Variants in OPCML observed in about 807,000 individuals in gnomAD.
The protein encoded by OPCML is opioid-binding protein/cell adhesion molecule.
In OPCML, 13 loss-of-function variants were observed where a neutral mutation model predicts 37.8. The observed-to-expected ratio is 0.34, with a 90% CI of 0.22 to 0.55. OPCML has a LOEUF of 0.55. Ranked by LOEUF, OPCML falls within the 20% of genes least tolerant of loss-of-function variation. OPCML has a pLI of 0.91. For missense variants in OPCML, 341 were observed against 435.6 expected (o/e 0.78, Z 1.93); for synonymous variants, 176 against 168.8 (o/e 1.04, Z -0.33).
intron 1 of OPCML, among the ~76,000 whole-genome samples, chr11:132,996,506 G>A (rs1946889039): frequency 6.6e-6 from 1 of 150,652 alleles, no homozygotes; most frequent in South Asian, 2.1e-4. Flanking sequence ...CAGCTACTCG[G>A]AAGCCTGAGA....
At chr11:132,562,686 A>T (rs2096413154) in intron 3 of OPCML, among the ~76,000 whole-genome samples, 1 of 152,066 alleles carries the variant, frequency 6.6e-6, no homozygotes, top group Non-Finnish European at 1.5e-5. Context: ...ACCATGACCT[A>T]CACAGCAGGA....
chr11:132,755,517 C>A (rs557906565), intron 2 of OPCML, among the ~76,000 whole-genome samples: 1 of 152,236 alleles, frequency 6.6e-6, no homozygotes, highest in East Asian at 1.9e-4. Context: ...TAAAAGATGT[C>A]TTTAAAAGAG....
At position 132,921,858 on chromosome 11, in the gene OPCML, C is replaced by G. The variant is rs572450559; in HGVS notation, c.146+21068G>C. Among the ~76,000 whole-genome samples the G allele has an allele frequency of 1.4e-3, 219 of 152,130 alleles. 1 individual carries two copies. Among genetic ancestry groups the G allele is most frequent in the African/African-American group, 4.9e-3 (204 of 41,496 alleles). Reference sequence around the variant, plus strand: ...CCTCGCTCTAGCACCTTATTGAGGCCCTCCATTGAGTGAGACTATAAATTT... The same window carrying G: ...CCTCGCTCTAGCACCTTATTGAGGCGCTCCATTGAGTGAGACTATAAATTT... On this transcript the variant is annotated intron_variant, in intron 2 of 7. Transcript: ENST00000524381.
intron 2 of OPCML, among the ~76,000 whole-genome samples, chr11:132,907,570 G>T (rs188926360): frequency 6.6e-6 from 1 of 151,346 alleles, no homozygotes; most frequent in Non-Finnish European, 1.5e-5. Flanking sequence ...GATGGAGGTC[G>T]CAGTGAGCCG....
chr11:133,229,729 G>C (rs1267568224), intron 1 of OPCML, among the ~76,000 whole-genome samples: 2 of 152,096 alleles, frequency 1.3e-5, no homozygotes, highest in Non-Finnish European at 2.9e-5. Flanking sequence ...CCTCTGGGGG[G>C]CTTGGAGTAT....
chr11:132,583,913 CT>C (rs1208696313), intron 3 of OPCML, among the ~76,000 whole-genome samples: 4 of 152,208 alleles, frequency 2.6e-5, no homozygotes, highest in African/African-American at 9.6e-5. Flanking sequence ...TGTGCCCGGC[CT>C]ATAGGCTGAT....
rs117849999 is a variant in OPCML, at chr11:133,348,039, A to G, written c.61+184225T>C. The stretch of plus-strand genomic sequence containing the variant: ...TACATCTGACCCTTCAGCCAGTTGT[A>G]TATGCATTCTATTAATCATTTGAAA... On this transcript the variant is annotated intron_variant, in intron 1 of 7. Transcript: ENST00000524381. Among the ~76,000 whole-genome samples the G allele has an allele frequency of 9.2e-5, 14 of 152,294 alleles. No homozygotes were observed. In the East Asian group the frequency reaches 2.7e-3, roughly 29 times the overall value.
intron 1 of OPCML, among the ~76,000 whole-genome samples, chr11:133,018,157 G>A (rs1947372967): frequency 6.6e-6 from 1 of 152,176 alleles, no homozygotes; most frequent in African/African-American, 2.4e-5. Context: ...TTATTTAAGA[G>A]TCTGATAGCT....
intron 2 of OPCML, among the ~76,000 whole-genome samples, chr11:132,840,474 A>G (rs1941240632): frequency 6.6e-6 from 1 of 152,106 alleles, no homozygotes; most frequent in South Asian, 2.1e-4. Context: ...TTGGCCCTGC[A>G]GGAATCTGAG....
At chr11:132,662,735 T>C (rs1159898906) in intron 2 of OPCML, among the ~76,000 whole-genome samples, 1 of 152,244 alleles carries the variant, frequency 6.6e-6, no homozygotes, top group Non-Finnish European at 1.5e-5. Flanking sequence ...TGTTTATAAC[T>C]CTAAAGTTGG....
At chr11:132,951,069 G>A (rs186962308) in intron 1 of OPCML, among the ~76,000 whole-genome samples, 1 of 152,176 alleles carries the variant, frequency 6.6e-6, no homozygotes, top group Non-Finnish European at 1.5e-5. Flanking sequence ...ACACAGGGCA[G>A]TCGGGCGTCA....
intron 2 of OPCML, among the ~76,000 whole-genome samples, chr11:132,870,110 T>C (rs1448376473): frequency 1.3e-5 from 2 of 152,118 alleles, no homozygotes; most frequent in Non-Finnish European, 2.9e-5. Flanking sequence ...CTACATAACA[T>C]AGATATTACT....
chr11:133,285,388 G>A (rs1359428446), intron 1 of OPCML, among the ~76,000 whole-genome samples: 1 of 152,226 alleles, frequency 6.6e-6, no homozygotes, highest in Non-Finnish European at 1.5e-5. Context: ...GGTATTTGGA[G>A]GATAAATTTG....
At chr11:132,535,565 T>C (rs897647182) in intron 3 of OPCML, among the ~76,000 whole-genome samples, 1 of 152,124 alleles carries the variant, frequency 6.6e-6, no homozygotes, top group African/African-American at 2.4e-5. Context: ...TATTATCTAA[T>C]TTGTTCTTGA....
chr11:133,455,706 G>A (rs1399416917), intron 1 of OPCML, among the ~76,000 whole-genome samples: 1 of 152,090 alleles, frequency 6.6e-6, no homozygotes, highest in Non-Finnish European at 1.5e-5. Flanking sequence ...GGCAGGCTAG[G>A]AAGGTCTACA....
intron 1 of OPCML, among the ~76,000 whole-genome samples, chr11:133,210,256 TA>T (rs1309520963): frequency 2.0e-5 from 3 of 152,214 alleles, no homozygotes; most frequent in African/African-American, 7.2e-5. Flanking sequence ...AAGTTGTGTT[TA>T]TTTTTTTAGA....
rs937461990 is a variant in OPCML at position 133,205,454 on chromosome 11, C to T, written c.62-262444G>A. 3.9e-5 allele frequency among the ~76,000 whole-genome samples: 6 copies of T among 152,176 alleles called. No homozygotes were observed. Among genetic ancestry groups the T allele is most frequent in the Non-Finnish European group, 8.8e-5 (6 of 68,046 alleles). On this transcript the variant is annotated intron_variant, in intron 1 of 7. Transcript: ENST00000524381. This position sits in a 1 kb window ranked among gnomAD's most constrained non-coding sequence, Gnocchi z 4.8. The stretch of plus-strand genomic sequence containing the variant: ...AACCTGAAGAGGTGGGGGCTGGGAA[C>T]GCTGATCAGCAGCACTGGTCCCAAC...
At chr11:132,829,681 T>A (rs181159195) in intron 2 of OPCML, among the ~76,000 whole-genome samples, 9 of 152,346 alleles carry the variant, frequency 5.9e-5, no homozygotes, top group Admixed American at 5.2e-4. Flanking sequence ...CATTTCTGCC[T>A]GCTTTTACTG....
At chr11:133,456,156 G>A (rs181241330) in intron 1 of OPCML, among the ~76,000 whole-genome samples, 33 of 152,290 alleles carry the variant, frequency 2.2e-4, no homozygotes, top group Non-Finnish European at 4.1e-4. Flanking sequence ...ATAGACATTT[G>A]GGGGCAAATG....
Sources: allele counts gnomAD v4.1 joint callset (sites outside exome capture counted in the v4.1 genomes callset), GRCh38; gene constraint gnomAD v4.1.1; non-coding constraint Gnocchi (gnomAD v3.1); transcripts MANE v1.5; gene names NCBI Gene and HGNC (gene_info 2026-07-23, HGNC 2026-07-21).